Variants in DSCAM observed in about 807,000 individuals in gnomAD.
DSCAM encodes DS cell adhesion molecule.
In DSCAM, 47 loss-of-function variants were observed where a neutral mutation model predicts 217.7. That is an observed-to-expected ratio of 0.22 (90% CI 0.17 to 0.28). DSCAM has a LOEUF of 0.28. Among genes scored for constraint, DSCAM ranks in the 10% least tolerant of loss-of-function variants. The probability of loss-of-function intolerance (pLI) is 1.00; values close to 1 mark genes in which losing one functional copy is unlikely to be tolerated. For synonymous variants in DSCAM, 1,056 were observed against 1,015.3 expected, an observed-to-expected ratio of 1.04 and a Z score of -0.76; for missense variants, 2,080 against 2,618.3, an observed-to-expected ratio of 0.79 and a Z score of 4.49.
At chr21:40,201,243 C>G (rs1340593973) in intron 11 of DSCAM, among the ~76,000 whole-genome samples, 1 of 152,184 alleles carries the variant, frequency 6.6e-6, no homozygotes, top group African/African-American at 2.4e-5. Flanking sequence ...ATTACATTCA[C>G]TCTGAAGTTA....
At chr21:40,074,871 T>G (rs2089341757) in intron 27 of DSCAM, among the ~76,000 whole-genome samples, 166 bp downstream of exon 27, 1 of 152,190 alleles carries the variant, frequency 6.6e-6, no homozygotes. Context: ...TCCCTGAGGC[T>G]CTGCAGTCTC....
chr21:40,317,020 T>A (rs964590523), intron 8 of DSCAM, among the ~76,000 whole-genome samples: 1 of 152,230 alleles, frequency 6.6e-6, no homozygotes, highest in African/African-American at 2.4e-5. Flanking sequence ...TCTGCGATTC[T>A]ATCTCTTCAT....
intron 11 of DSCAM, among the ~76,000 whole-genome samples, chr21:40,191,841 A>G (rs2090955446): frequency 6.6e-6 from 1 of 152,094 alleles, no homozygotes; most frequent in African/African-American, 2.4e-5. Flanking sequence ...ATCTTCACAT[A>G]ATTTACATTC....
At chr21:40,044,991 G>T (rs2088821505) in intron 30 of DSCAM, among the ~76,000 whole-genome samples, 1 of 152,178 alleles carries the variant, frequency 6.6e-6, no homozygotes, top group African/African-American at 2.4e-5. Context: ...CTAAGACAAG[G>T]TCATATTGGA....
intron 3 of DSCAM, among the ~76,000 whole-genome samples, chr21:40,485,676 C>A (rs926795990): frequency 6.6e-6 from 1 of 152,040 alleles, no homozygotes; most frequent in African/African-American, 2.4e-5. Flanking sequence ...AAATTACATA[C>A]TTAAATAGAA....
intron 8 of DSCAM, among the ~76,000 whole-genome samples, chr21:40,332,242 C>G (rs1441091847): frequency 3.3e-5 from 5 of 152,136 alleles, no homozygotes; most frequent in Non-Finnish European, 7.3e-5. Flanking sequence ...TCTTTGTATT[C>G]ATTTCTCCCC....
At position 40,637,434 on chromosome 21, in the gene DSCAM, TATAA is replaced by T. The variant is rs1282537140; in HGVS notation, c.508+55372_508+55375del. Among the ~76,000 whole-genome samples the T allele has an allele frequency of 8.7e-3, 146 of 16,728 alleles. 55 individuals carry two copies. Among genetic ancestry groups the T allele is most frequent in the African/African-American group, 0.036 (144 of 4,010 alleles). 11.0% of individuals were successfully genotyped at this position (16,728 alleles called of 152,430 possible). Reference sequence around the variant, plus strand: ...ATAAATATATATATAAATATATAAATATAAATATATATATAAATATATACAAATA... The same window carrying T: ...ATAAATATATATATAAATATATAAATATATATATATAAATATATACAAATA... On this transcript the variant is annotated intron_variant, in intron 3 of 32. Transcript: ENST00000400454.
chr21:40,769,861 A>G (rs2091429493), intron 1 of DSCAM, among the ~76,000 whole-genome samples: 2 of 152,144 alleles, frequency 1.3e-5, no homozygotes, highest in African/African-American at 4.8e-5. Context: ...TGTTCAGGTG[A>G]TGTAGCCAGA....
At chr21:40,163,070 A>AACACACACACACACACACAC (rs3069756) in intron 16 of DSCAM, among the ~76,000 whole-genome samples, 39 of 143,234 alleles carry the variant, frequency 2.7e-4, no homozygotes, top group African/African-American at 8.9e-4. Context: ...GACCATGGCA[A>AACACACACACACACACACAC]ACACACACAC....
chr21:40,554,304 T>C (rs1266809666), intron 3 of DSCAM, among the ~76,000 whole-genome samples: 2 of 152,150 alleles, frequency 1.3e-5, no homozygotes, highest in Non-Finnish European at 2.9e-5. Context: ...TAAGTCTTAC[T>C]TAGGTGCAAG....
intron 1 of DSCAM, among the ~76,000 whole-genome samples, chr21:40,770,931 G>A (rs1172655659): frequency 6.6e-6 from 1 of 152,214 alleles, no homozygotes; most frequent in African/African-American, 2.4e-5. Context: ...AGGGTGCCAA[G>A]GTGAGAAGTT....
chr21:40,153,146 C>A (rs1162289288), intron 16 of DSCAM, among the ~76,000 whole-genome samples: 1 of 152,208 alleles, frequency 6.6e-6, no homozygotes, highest in African/African-American at 2.4e-5. Context: ...CCTCCCCTTA[C>A]CTGCTTTCCA....
intron 1 of DSCAM, among the ~76,000 whole-genome samples, chr21:40,843,783 ACTT>A (rs933874680): frequency 7.1e-5 from 10 of 140,882 alleles, no homozygotes; most frequent in East Asian, 2.1e-4. Flanking sequence ...CTGGTCACTG[ACTT>A]CTTCTTTTTT....
intron 3 of DSCAM, among the ~76,000 whole-genome samples, chr21:40,528,509 A>C (rs1472346814): frequency 6.6e-6 from 1 of 152,242 alleles, no homozygotes; most frequent in Non-Finnish European, 1.5e-5. Flanking sequence ...TCCTTCCAGT[A>C]AATACTGGAT....
At chr21:40,642,361 A>C (rs1428118779) in intron 3 of DSCAM, among the ~76,000 whole-genome samples, 1 of 152,188 alleles carries the variant, frequency 6.6e-6, no homozygotes, top group Non-Finnish European at 1.5e-5. Flanking sequence ...ATCCAGCACA[A>C]GCAAGAGGGA....
chr21:40,420,949 G>A (rs966758553), intron 3 of DSCAM, among the ~76,000 whole-genome samples: 6 of 152,108 alleles, frequency 3.9e-5, no homozygotes, highest in Non-Finnish European at 5.9e-5. Flanking sequence ...TTCGCTGTAA[G>A]CCACTCACTG....
intron 3 of DSCAM, among the ~76,000 whole-genome samples, chr21:40,536,546 C>T (rs1266069626): frequency 1.3e-5 from 2 of 151,920 alleles, no homozygotes; most frequent in Non-Finnish European, 2.9e-5. Flanking sequence ...GGACTACAGG[C>T]GCCCACCACC....
chr21:40,750,838 C>T (rs2091220299), intron 1 of DSCAM, among the ~76,000 whole-genome samples: 1 of 152,136 alleles, frequency 6.6e-6, no homozygotes, highest in South Asian at 2.1e-4. Context: ...ATCCTACACT[C>T]AGCCTTTGTG....
intron 3 of DSCAM, among the ~76,000 whole-genome samples, chr21:40,548,023 A>G (rs1372653537): frequency 6.6e-6 from 1 of 152,202 alleles, no homozygotes; most frequent in Non-Finnish European, 1.5e-5. Flanking sequence ...TTTAGTGACA[A>G]GTGGCATGTT....
Sources: gnomAD v4.1 joint callset for allele counts (sites outside exome capture counted in the v4.1 genomes callset) on GRCh38, gnomAD v4.1.1 for gene constraint, MANE v1.5 for transcripts, NCBI Gene and HGNC (gene_info 2026-07-23, HGNC 2026-07-21) for gene names.